The following EYA1 variants were observed in gnomAD, a reference collection of about 807,000 sequenced individuals.
EYA1 encodes the protein EYA transcriptional coactivator and phosphatase 1, also known as protein phosphatase EYA1.
A neutral mutation model predicts 82.0 loss-of-function variants in EYA1; 16 were observed. The ratio of observed to expected loss-of-function variants is 0.20; its 90% CI spans 0.13 to 0.30. The LOEUF (loss-of-function observed/expected upper bound fraction) is 0.30, where lower values mean the gene tolerates loss of function less well. EYA1 is among the 10% of genes least tolerant of loss of function. The pLI, the probability that EYA1 is intolerant of heterozygous loss-of-function variation, is 1.00. For missense variants in EYA1, 633 were observed against 730.7 expected (o/e 0.87, Z 1.54); for synonymous variants, 261 against 264.4 (o/e 0.99, Z 0.12).
intron 2 of EYA1, among the ~76,000 whole-genome samples, chr8:71,413,565 T>C (rs1475019924): frequency 6.6e-6 from 1 of 152,214 alleles, no homozygotes; most frequent in Non-Finnish European, 1.5e-5. Context: ...ACTTCAAATA[T>C]GCAGACTTAA....
intron 3 of EYA1, among the ~76,000 whole-genome samples, chr8:71,337,258 T>A (rs2129049958): frequency 6.6e-6 from 1 of 152,324 alleles, no homozygotes; most frequent in East Asian, 1.9e-4. Flanking sequence ...AGGATTAGTT[T>A]ATCTCCACCA....
chr8:71,459,184 C>T (rs144481497), intron 2 of EYA1, among the ~76,000 whole-genome samples: 2 of 152,324 alleles, frequency 1.3e-5, no homozygotes, highest in East Asian at 1.9e-4. Flanking sequence ...TTATGGCATG[C>T]CCCTTGGTGC....
At chr8:71,311,103 G>A (rs985784131) in intron 7 of EYA1, among the ~76,000 whole-genome samples, 3 of 152,086 alleles carry the variant, frequency 2.0e-5, no homozygotes, top group Admixed American at 2.0e-4. Flanking sequence ...TTCCTCATAT[G>A]ATTGGGCACC....
chr8:71,392,943 T>C (rs1198453998), intron 2 of EYA1, among the ~76,000 whole-genome samples: 2 of 152,216 alleles, frequency 1.3e-5, no homozygotes, highest in South Asian at 2.1e-4. Flanking sequence ...CTAGCACATA[T>C]ATGTGTTTTA....
At chr8:71,270,314 A>G (rs886540390) in intron 10 of EYA1, 4 of 161,626 alleles carry the variant, frequency 2.5e-5, no homozygotes, top group African/African-American at 9.6e-5. Flanking sequence ...TAATAAATTC[A>G]CCTTATGTTA....
At chr8:71,241,829 C>T (rs778179948) in intron 12 of EYA1, among the ~76,000 whole-genome samples, 7 of 149,852 alleles carry the variant, frequency 4.7e-5, no homozygotes, top group Non-Finnish European at 7.4e-5. Flanking sequence ...TTTTTTTTGC[C>T]AGAAAATAAT....
At chr8:71,406,807 G>A (rs111346387) in intron 2 of EYA1, among the ~76,000 whole-genome samples, 96 of 146,662 alleles carry the variant, frequency 6.5e-4, no homozygotes, top group African/African-American at 2.1e-3. Context: ...AGGGGCGCCC[G>A]CCATTGCCCA....
intron 7 of EYA1, among the ~76,000 whole-genome samples, chr8:71,301,769 T>C (rs139867169): frequency 8.5e-4 from 130 of 152,278 alleles, no homozygotes; most frequent in African/African-American, 2.8e-3. Context: ...AGGCTTCACA[T>C]ATTAATGTTC....
chr8:71,235,349 C>T (rs1308813133), intron 12 of EYA1, among the ~76,000 whole-genome samples: 3 of 152,222 alleles, frequency 2.0e-5, no homozygotes, highest in Non-Finnish European at 2.9e-5. Context: ...TCCCTAGTTA[C>T]TCTGTCTCAG....
intron 2 of EYA1, among the ~76,000 whole-genome samples, chr8:71,478,758 A>T (rs546282209): frequency 1.3e-5 from 2 of 152,242 alleles, no homozygotes; most frequent in South Asian, 4.1e-4. Flanking sequence ...CTTCCATTGA[A>T]AGTCCACCTC....
At chr8:71,543,457 C>T (rs539002423) in intron 1 of EYA1, among the ~76,000 whole-genome samples, 32 of 152,306 alleles carry the variant, frequency 2.1e-4, no homozygotes, top group African/African-American at 7.5e-4. Flanking sequence ...CCACGACTTA[C>T]ATTCCTAAAA....
At chr8:71,439,411 A>C (rs932172515) in intron 2 of EYA1, among the ~76,000 whole-genome samples, 3 of 152,166 alleles carry the variant, frequency 2.0e-5, no homozygotes, top group African/African-American at 7.2e-5. Context: ...TAGGAGTTGC[A>C]GTTCTAACCT....
chr8:71,363,368 TC>T (rs368817763), upstream of EYA1, among the ~76,000 whole-genome samples: 18 of 151,870 alleles, frequency 1.2e-4, no homozygotes, highest in East Asian at 1.7e-3. Context: ...ATTACAGACT[TC>T]CCCCCAACCA....
intron 2 of EYA1, among the ~76,000 whole-genome samples, chr8:71,379,081 T>A (rs559058671): frequency 2.0e-5 from 3 of 152,228 alleles, no homozygotes; most frequent in African/African-American, 7.2e-5. Context: ...TGCCTAGGTC[T>A]TCAGTGGGTA....
intron 4 of EYA1, among the ~76,000 whole-genome samples, chr8:71,332,030 T>G (rs2129044932): frequency 6.6e-6 from 1 of 152,136 alleles, no homozygotes; most frequent in South Asian, 2.1e-4. Context: ...TAAAAATTAT[T>G]TTTTGTAGAG....
chr8:71,370,309 C>T (rs1251021312), intron 2 of EYA1, among the ~76,000 whole-genome samples: 2 of 150,762 alleles, frequency 1.3e-5, no homozygotes, highest in African/African-American at 4.9e-5. Context: ...AGAAATCTAA[C>T]CAACAAAAGT....
chr8:71,208,238 G>A (rs1228795987), intron 17 of EYA1, among the ~76,000 whole-genome samples: 3 of 151,966 alleles, frequency 2.0e-5, no homozygotes, highest in African/African-American at 7.2e-5. Flanking sequence ...ATTGAGACCA[G>A]TCTGGCTAAC....
chr8:71,329,558 TCA>T (rs1823574309), intron 4 of EYA1, among the ~76,000 whole-genome samples: 2 of 152,176 alleles, frequency 1.3e-5, no homozygotes, highest in South Asian at 4.1e-4. Context: ...TACATCAATT[TCA>T]GTCTTCTCCA....
At chr8:71,469,165 GTA>G (rs1491228117) in intron 2 of EYA1, among the ~76,000 whole-genome samples, 3 of 129,412 alleles carry the variant, frequency 2.3e-5, no homozygotes, top group African/African-American at 1.0e-4. Context: ...ACAGACATAA[GTA>G]AAAAAAAAAT....
Sources: allele counts gnomAD v4.1 joint callset (sites outside exome capture counted in the v4.1 genomes callset), GRCh38; gene constraint gnomAD v4.1.1; transcripts MANE v1.5; gene names NCBI Gene and HGNC (gene_info 2026-07-23, HGNC 2026-07-21).